ASTN1: variants seen among roughly 807,000 people sequenced by gnomAD.
The protein encoded by ASTN1 is astrotactin 1.
Under a neutral mutation model 140.7 loss-of-function variants are expected in ASTN1, and 41 were observed. That is an observed-to-expected ratio of 0.29 (90% CI 0.23 to 0.38). The LOEUF is 0.38. ASTN1 is among the 10% of genes least tolerant of loss of function. The probability of loss-of-function intolerance (pLI) is 1.00; values close to 1 mark genes in which losing one functional copy is unlikely to be tolerated. For synonymous variants in ASTN1, 640 were observed against 652.2 expected (o/e 0.98, Z 0.29); for missense variants, 1,479 against 1,678.8 (o/e 0.88, Z 2.08).
At chr1:176,981,024 C>T (rs1212825243) in intron 8 of ASTN1, among the ~76,000 whole-genome samples, 3 of 151,526 alleles carry the variant, frequency 2.0e-5, no homozygotes, top group Non-Finnish European at 4.4e-5. Context: ...CCAGCCTGGC[C>T]AACATGGTGA....
chr1:176,917,650 G>A (rs1191273390), intron 16 of ASTN1, among the ~76,000 whole-genome samples: 2 of 152,166 alleles, frequency 1.3e-5, no homozygotes, highest in African/African-American at 2.4e-5. Context: ...GTAGAGTAAG[G>A]GGTGCTGGGC....
intron 16 of ASTN1, among the ~76,000 whole-genome samples, chr1:176,923,913 A>G (rs1208321124): frequency 1.3e-5 from 2 of 151,492 alleles, no homozygotes; most frequent in African/African-American, 4.9e-5. Flanking sequence ...TTATCTTGTG[A>G]TTTTTTTTTC....
intron 2 of ASTN1, among the ~76,000 whole-genome samples, chr1:177,046,944 C>A (rs1013398207): frequency 1.3e-5 from 2 of 152,174 alleles, no homozygotes; most frequent in Admixed American, 1.3e-4. Context: ...AGCCATTTAA[C>A]CTCTTTGAGC....
At chr1:176,954,822 G>T (rs1033207421) in intron 11 of ASTN1, among the ~76,000 whole-genome samples, 5 of 152,198 alleles carry the variant, frequency 3.3e-5, no homozygotes, top group African/African-American at 4.8e-5. Flanking sequence ...ACTGTGGTTT[G>T]TACAGGTCTG....
At chr1:177,146,268 A>G (rs1457565326) in intron 1 of ASTN1, among the ~76,000 whole-genome samples, 1 of 152,218 alleles carries the variant, frequency 6.6e-6, no homozygotes, top group Non-Finnish European at 1.5e-5. Context: ...ATCGATGAAG[A>G]AAGTCCTGTT....
intron 1 of ASTN1, among the ~76,000 whole-genome samples, chr1:177,137,423 A>T (rs770683614): frequency 6.6e-6 from 1 of 152,232 alleles, no homozygotes; most frequent in Non-Finnish European, 1.5e-5. Context: ...GAGTTCAAGG[A>T]TATCAGACAA....
At chr1:177,125,123 GTATT>G (rs1434032940) in intron 1 of ASTN1, among the ~76,000 whole-genome samples, 1 of 152,196 alleles carries the variant, frequency 6.6e-6, no homozygotes, top group Non-Finnish European at 1.5e-5. Context: ...GCATAAAACA[GTATT>G]TATGAGAAAG....
At chr1:177,017,625 C>T (rs771737216) in intron 7 of ASTN1, among the ~76,000 whole-genome samples, 3 of 152,186 alleles carry the variant, frequency 2.0e-5, no homozygotes, top group Non-Finnish European at 2.9e-5. Flanking sequence ...CATGAGGCGC[C>T]GACTCCATGG....
rs535574850 is a variant in ASTN1, at chr1:177,005,889, G to A, written c.1523+8902C>T. ...CTCCCAAAGCGCTGGGATTACAAGCGTGAGCCACCGTGCCCTGCCTAATGA... is the reference window on the plus strand; with the variant it reads ...CTCCCAAAGCGCTGGGATTACAAGCATGAGCCACCGTGCCCTGCCTAATGA... On this transcript the variant is annotated intron_variant, in intron 8 of 22. Coordinates refer to ENST00000361833, the MANE Select transcript of ASTN1 (RefSeq NM_004319.3). Among the ~76,000 whole-genome samples the A allele has an allele frequency of 1.1e-4, 16 of 152,144 alleles. 1 individual carries two copies. The highest frequency in any genetic ancestry group is 3.9e-4 in the Admixed American group (6 of 15,280).
intron 17 of ASTN1, among the ~76,000 whole-genome samples, chr1:176,892,888 CAT>C (rs1232461539): frequency 7.9e-5 from 12 of 152,260 alleles, no homozygotes; most frequent in Admixed American, 2.0e-4. Flanking sequence ...AAGGAAGAAA[CAT>C]GTGACAGTGA....
At chr1:177,164,315 G>C (rs1647573797) in intron 1 of ASTN1, 79 bp downstream of exon 1, 3 of 1,399,150 alleles carry the variant, frequency 2.1e-6, no homozygotes, top group African/African-American at 3.0e-5. Context: ...CGGCGAGTGG[G>C]TGTGTAGAGC....
At chr1:177,036,908 C>T (rs1676745239) in intron 2 of ASTN1, among the ~76,000 whole-genome samples, 1 of 152,160 alleles carries the variant, frequency 6.6e-6, no homozygotes, top group African/African-American at 2.4e-5. Flanking sequence ...CAACCTCCAT[C>T]TCCCATGTTC....
intron 9 of ASTN1, among the ~76,000 whole-genome samples, chr1:176,962,438 G>A (rs1215553147): frequency 6.6e-6 from 1 of 152,156 alleles, no homozygotes; most frequent in Non-Finnish European, 1.5e-5. Flanking sequence ...TATATCTATT[G>A]AAGGCCTGCT....
intron 1 of ASTN1, among the ~76,000 whole-genome samples, chr1:177,089,807 G>T (rs778953604): frequency 8.5e-5 from 13 of 152,060 alleles, no homozygotes; most frequent in Non-Finnish European, 1.3e-4. Context: ...CAAAGGGCTT[G>T]GCAATAGAGA....
At position 176,934,840 on chromosome 1, in the gene ASTN1, C is replaced by A. The variant is rs1031702078; in HGVS notation, c.2483-500G>T. ...GGTCACGATACAAAATGTATTCTAA[C>A]TGTGGGTAGTGATCAAAAAAGGCAA... On this transcript the variant is annotated intron_variant, in intron 15 of 22. Coordinates refer to ENST00000361833, the MANE Select transcript of ASTN1 (RefSeq NM_004319.3). Among the ~76,000 whole-genome samples the A allele has an allele frequency of 5.9e-5, 9 of 152,054 alleles. 1 individual carries two copies. The highest frequency in any genetic ancestry group is 2.0e-4 in the Admixed American group (3 of 15,274).
chr1:176,862,548 T>C lies in ASTN1; in HGVS notation c.*1736A>G, dbSNP rs1012007170. The C allele has an allele frequency of 1.0e-6, 1 of 985,216 alleles. No homozygotes were observed. Among genetic ancestry groups the C allele is most frequent in the Non-Finnish European group, 1.2e-6 (1 of 829,912 alleles). 61.0% of individuals were successfully genotyped at this position (985,216 alleles called of 1,614,324 possible). A position where few individuals can be genotyped will look rare whatever the true frequency, so the allele number is the denominator to read the frequency against. Reference sequence around the variant, plus strand: ...AGAGCTTGGACAGTTGTGTGCCAGATGATACTGAAAACAGAACTGGGTATC... The same window carrying C: ...AGAGCTTGGACAGTTGTGTGCCAGACGATACTGAAAACAGAACTGGGTATC... On this transcript the variant is annotated 3_prime_UTR_variant, in exon 23 of 23. Transcript: ENST00000361833.
chr1:176,899,284 C>T (rs12141483), intron 16 of ASTN1, among the ~76,000 whole-genome samples: 9,087 of 152,160 alleles, frequency 0.06, 350 homozygotes, highest in Non-Finnish European at 0.087. Flanking sequence ...GTGCACATGG[C>T]CTTAGGCATG....
Position 177,164,410 on chromosome 1 carries a change from C to G in ASTN1, c.267G>C (p.Leu89=). The change falls in exon 1 of 23, where the codon CTG becomes CTC. Residue 89 remains leucine (L), a synonymous_variant. Transcript: ENST00000361833. ...VVVDDLENTE[L]PYFVLEISGN... ...GGGACTCACCCAGCACGAAGTAGGGCAGCTCCGTGTTCTCCAGGTCGTCCA... is the reference window on the plus strand; with the variant it reads ...GGGACTCACCCAGCACGAAGTAGGGGAGCTCCGTGTTCTCCAGGTCGTCCA... 3 of 1,607,620 alleles carry G rather than the reference C, an allele frequency of 1.9e-6. No homozygotes were observed. Among genetic ancestry groups the G allele is most frequent in the Non-Finnish European group, 2.6e-6 (3 of 1,176,278 alleles).
chr1:177,049,365 C>G (rs1434631251), intron 2 of ASTN1, among the ~76,000 whole-genome samples: 2 of 152,112 alleles, frequency 1.3e-5, no homozygotes, highest in Admixed American at 6.5e-5. Flanking sequence ...TAACATCAAA[C>G]CCCTGATTTT....
Sources: gnomAD v4.1 joint callset for allele counts (sites outside exome capture counted in the v4.1 genomes callset) on GRCh38, gnomAD v4.1.1 for gene constraint, MANE v1.5 for transcripts, NCBI Gene and HGNC (gene_info 2026-07-23, HGNC 2026-07-21) for gene names.